Variants in ZNF83 observed in about 807,000 individuals in gnomAD.
ZNF83 encodes zinc finger protein 83, also known as zinc finger protein 816B.
For missense variants in ZNF83, 552 were observed against 629.9 expected, an observed-to-expected ratio of 0.88 and a Z score of 1.32; for synonymous variants, 209 against 213.0, an observed-to-expected ratio of 0.98 and a Z score of 0.17.
intron 2 of ZNF83, among the ~76,000 whole-genome samples, chr19:52,656,954 C>G (rs1185549487): frequency 6.6e-6 from 1 of 151,424 alleles, no homozygotes; most frequent in African/African-American, 2.4e-5. Flanking sequence ...CTTCAATTAA[C>G]TTCAGTCGGG....
At chr19:52,683,901 C>T (rs2061970038) in intron 1 of ZNF83, among the ~76,000 whole-genome samples, 1 of 152,064 alleles carries the variant, frequency 6.6e-6, no homozygotes, top group South Asian at 2.1e-4. Flanking sequence ...GTGCATCCTT[C>T]AAGTAAGGGA....
At position 52,614,637 on chromosome 19, in the gene ZNF83, C is replaced by T. The variant is rs753479540; in HGVS notation, c.-73G>A. 1.1e-4 allele frequency: 154 copies of T among 1,449,056 alleles called. No individual in the cohort carries two copies. The highest frequency in any genetic ancestry group is 1.3e-4 in the Non-Finnish European group (139 of 1,096,352). 89.8% of individuals were successfully genotyped at this position (1,449,056 alleles called of 1,614,324 possible). On this transcript the variant is annotated 5_prime_UTR_variant, in exon 3 of 3. In the 5' UTR this introduces an upstream ATG that the reference lacks. Coordinates refer to ENST00000301096, the Ensembl canonical transcript of ZNF83. ...TATAATGTCTTCAATCATGTTTCCA[C>T]AGACACTGAGAGTCATGTACATTTT... is the stretch of plus-strand genomic sequence containing the variant.
At chr19:52,651,054 G>C (rs900133355) in intron 3 of ZNF83, 4 of 152,182 alleles carry the variant, frequency 2.6e-5, no homozygotes, top group Non-Finnish European at 4.4e-5. Context: ...TACTTGAACT[G>C]TGCATGTCTC....
chr19:52,643,360 GA>G (rs35849256), upstream of ZNF83, among the ~76,000 whole-genome samples: 40,386 of 136,210 alleles, frequency 0.3, 5,996 homozygotes, highest in Middle Eastern at 0.38. Flanking sequence ...GTCTCAAATA[GA>G]AAAAAAAAAA....
At chr19:52,673,078 G>A (rs943383219) in intron 1 of ZNF83, among the ~76,000 whole-genome samples, 7 of 152,230 alleles carry the variant, frequency 4.6e-5, no homozygotes, top group African/African-American at 9.6e-5. Context: ...AAAACTGGAT[G>A]TGAGCCTGTA....
At chr19:52,627,014 TCC>T (rs2060764988) in intron 2 of ZNF83, among the ~76,000 whole-genome samples, 1 of 152,108 alleles carries the variant, frequency 6.6e-6, no homozygotes, top group African/African-American at 2.4e-5. Flanking sequence ...CTTATGACTT[TCC>T]ATTATGACTT....
At chr19:52,645,471 T>C (rs1410606439) in intron 3 of ZNF83, among the ~76,000 whole-genome samples, 4 of 152,202 alleles carry the variant, frequency 2.6e-5, no homozygotes, top group Non-Finnish European at 5.9e-5. Context: ...CAAAGGCATC[T>C]TTCAGAAGTG....
At chr19:52,658,159 G>A (rs998259852) in intron 2 of ZNF83, among the ~76,000 whole-genome samples, 2 of 149,246 alleles carry the variant, frequency 1.3e-5, no homozygotes, top group African/African-American at 4.9e-5. Flanking sequence ...AAAAAGTAGT[G>A]AATAGGAAAA....
chr19:52,686,987 G>C (rs2062027520), intron 1 of ZNF83, among the ~76,000 whole-genome samples: 1 of 151,892 alleles, frequency 6.6e-6, no homozygotes, highest in African/African-American at 2.4e-5. Context: ...TTTGAGACCA[G>C]CCTCTCTAAC....
chr19:52,653,309 A>G (rs927801791), intron 3 of ZNF83: 43 of 1,348,890 alleles, frequency 3.2e-5, no homozygotes, highest in Non-Finnish European at 4.4e-5. Context: ...CATTCATTAC[A>G]TGTGTAAGGT....
At chr19:52,654,290 A>C (rs761017857) in intron 3 of ZNF83, 3 of 1,531,716 alleles carry the variant, frequency 2.0e-6, no homozygotes, top group Admixed American at 1.7e-5. Context: ...TCTGGGAAGC[A>C]AAAATCTCCA....
intron 3 of ZNF83, among the ~76,000 whole-genome samples, chr19:52,647,696 A>C (rs894588463): frequency 4.2e-5 from 6 of 142,036 alleles, no homozygotes; most frequent in East Asian, 2.1e-4. Context: ...CTCATTCTGT[A>C]CCCCTCTCTT....
intron 1 of ZNF83, among the ~76,000 whole-genome samples, chr19:52,668,267 C>T (rs2061680620): frequency 6.6e-6 from 1 of 152,154 alleles, no homozygotes; most frequent in Admixed American, 6.5e-5. Context: ...GCTGTTCATA[C>T]AGCAGAAAGG....
chr19:52,664,932 A>T (rs1600247166), intron 1 of ZNF83, among the ~76,000 whole-genome samples: 1 of 152,284 alleles, frequency 6.6e-6, no homozygotes, highest in Non-Finnish European at 1.5e-5. Flanking sequence ...CTCCCTGAGA[A>T]GTGAACATGG....
intron 2 of ZNF83, among the ~76,000 whole-genome samples, chr19:52,626,777 C>T (rs376812751): frequency 1.3e-5 from 2 of 152,216 alleles, no homozygotes; most frequent in Admixed American, 6.5e-5. Flanking sequence ...TAATCTCACT[C>T]GAAGCAACCC....
chr19:52,684,540 ACT>A (rs1268208705), intron 1 of ZNF83, among the ~76,000 whole-genome samples: 6 of 102,306 alleles, frequency 5.9e-5, no homozygotes, highest in African/African-American at 1.5e-4. Flanking sequence ...ATAGAGTGAG[ACT>A]CTGTCTAAAA....
In ZNF83 at chr19:52,619,097, G is replaced by C. The variant is rs201062156; in HGVS notation, c.-233-4300C>G. 3.8e-3 allele frequency: 6,120 copies of C among 1,609,280 alleles called. 17 individuals are homozygous for C. Among genetic ancestry groups the C allele is most frequent in the Non-Finnish European group, 4.5e-3 (5,284 of 1,178,472 alleles). On this transcript the variant is annotated intron_variant, in intron 2 of 2. Coordinates refer to ENST00000301096, the Ensembl canonical transcript of ZNF83. ...AAACACATTTTAACCAAATGGTTATGGGAGGAGTTCTTATCTTTACAGAAA... is the reference window on the plus strand; with the variant it reads ...AAACACATTTTAACCAAATGGTTATCGGAGGAGTTCTTATCTTTACAGAAA...
exon 3 of ZNF83, chr19:52,613,199 G>T: frequency 6.2e-7 from 1 of 1,614,068 alleles, no homozygotes; most frequent in South Asian, 1.1e-5. Flanking sequence ...CATTTGAAAG[G>T]TTTCTCTCCA....
At chr19:52,621,912 C>A (rs1169490304) in intron 2 of ZNF83, among the ~76,000 whole-genome samples, 1 of 152,070 alleles carries the variant, frequency 6.6e-6, no homozygotes, top group Admixed American at 6.6e-5. Context: ...ACTTCACTTC[C>A]TCCCTAGCTT....
Sources: allele counts gnomAD v4.1 joint callset (sites outside exome capture counted in the v4.1 genomes callset), GRCh38; gene constraint gnomAD v4.1.1; transcripts MANE v1.5; gene names NCBI Gene and HGNC (gene_info 2026-07-23, HGNC 2026-07-21).